The following ATP8A1 variants were observed in gnomAD, a reference collection of about 807,000 sequenced individuals.
ATP8A1 encodes ATPase phospholipid transporting 8A1, also known as phospholipid-transporting ATPase IA.
Under a neutral mutation model 177.7 loss-of-function variants are expected in ATP8A1, and 90 were observed. The ratio of observed to expected loss-of-function variants is 0.51; its 90% CI spans 0.43 to 0.60. The LOEUF is 0.60. Among genes scored for constraint, ATP8A1 ranks in the 20% least tolerant of loss-of-function variants. The probability of loss-of-function intolerance (pLI) is 0.00; values close to 1 mark genes in which losing one functional copy is unlikely to be tolerated. For synonymous variants in ATP8A1, 493 were observed against 485.9 expected, an observed-to-expected ratio of 1.01 and a Z score of -0.19; for missense variants, 1,072 against 1,392.8, an observed-to-expected ratio of 0.77 and a Z score of 3.67.
intron 1 of ATP8A1, among the ~76,000 whole-genome samples, chr4:42,638,535 ATTAACC>A (rs1739618532): frequency 6.6e-6 from 1 of 152,230 alleles, no homozygotes; most frequent in Non-Finnish European, 1.5e-5. Flanking sequence ...AGCCTTGGAT[ATTAACC>A]TAAAATAATA....
chr4:42,613,825 C>T (rs1325242501), intron 5 of ATP8A1, among the ~76,000 whole-genome samples: 2 of 151,980 alleles, frequency 1.3e-5, no homozygotes, highest in African/African-American at 4.8e-5. Context: ...CTCTGGCGAT[C>T]CATCCGCCTC....
At chr4:42,449,538 C>T (rs777870599) in intron 30 of ATP8A1, among the ~76,000 whole-genome samples, 1 of 152,162 alleles carries the variant, frequency 6.6e-6, no homozygotes, top group African/African-American at 2.4e-5. Context: ...TAAAGTTCTT[C>T]AGTATCCCCA....
rs1553871738 is a variant in ATP8A1, at chr4:42,435,461, A to AAAAAAAAAC, written c.3123+8103_3123+8104insGTTTTTTTT. ...AAAAAAAAAAAAAACAAAAAAAAAA[A>AAAAAAAAAC]AACAAACTATCTCCAGTTATGAGCT... is the stretch of plus-strand genomic sequence containing the variant. On this transcript the variant is annotated intron_variant, in intron 33 of 36. Transcript: ENST00000381668. Among the ~76,000 whole-genome samples the AAAAAAAAAC allele has an allele frequency of 1.5e-3, 187 of 122,310 alleles. 9 individuals are homozygous for AAAAAAAAAC. Among genetic ancestry groups the AAAAAAAAAC allele is most frequent in the East Asian group, 7.4e-3 (29 of 3,920 alleles). 80.2% of individuals were successfully genotyped at this position (122,310 alleles called of 152,430 possible).
At chr4:42,516,933 C>T (rs1259206068) in intron 22 of ATP8A1, among the ~76,000 whole-genome samples, 1 of 152,104 alleles carries the variant, frequency 6.6e-6, no homozygotes, top group Non-Finnish European at 1.5e-5. Context: ...AAACCCCTGC[C>T]AATGAAACAA....
chr4:42,641,234 C>T (rs1739960033), intron 1 of ATP8A1, among the ~76,000 whole-genome samples: 1 of 152,046 alleles, frequency 6.6e-6, no homozygotes, highest in Non-Finnish European at 1.5e-5. Flanking sequence ...TACTAAAGGC[C>T]TAAAGAAGCA....
At chr4:42,541,851 G>C (rs1458640791) in intron 20 of ATP8A1, among the ~76,000 whole-genome samples, 2 of 152,194 alleles carry the variant, frequency 1.3e-5, no homozygotes, top group African/African-American at 4.8e-5. Context: ...AAAAGCAACA[G>C]TGGTTGCCAG....
rs138396119 is a variant in ATP8A1, at chr4:42,466,320, A to G, written c.2325-1244T>C. ...TAAATATCTGCTAAAACATCTGAAAAATCATTTACTATTCTATTTAAAAAT... is the reference window on the plus strand; with the variant it reads ...TAAATATCTGCTAAAACATCTGAAAGATCATTTACTATTCTATTTAAAAAT... On this transcript the variant is annotated intron_variant, in intron 25 of 36. Transcript: ENST00000381668. Among the ~76,000 whole-genome samples, 560 of 152,338 alleles carry G rather than the reference A, an allele frequency of 3.7e-3. 4 individuals carry two copies. The highest frequency in any genetic ancestry group is 0.024 in the South Asian group (114 of 4,828).
At chr4:42,613,620 G>C (rs1577703237) in intron 5 of ATP8A1, among the ~76,000 whole-genome samples, 1 of 151,656 alleles carries the variant, frequency 6.6e-6, no homozygotes, top group Middle Eastern at 3.4e-3. Context: ...GTCTCTCTCT[G>C]TCACCCAGGC....
At chr4:42,560,325 C>T (rs1027358627) in intron 15 of ATP8A1, among the ~76,000 whole-genome samples, 6 of 151,986 alleles carry the variant, frequency 3.9e-5, no homozygotes, top group African/African-American at 1.4e-4. Context: ...GGGATCAAAA[C>T]CTTTTCTTTT....
Position 42,574,715 on chromosome 4 carries a change from A to C in ATP8A1, c.1207-8T>G. ...AGAAAATATGTATTTAACCTAAAAA[A>C]GTTTAAAATTTCTCATTAATATTTT... On this transcript the variant is annotated splice_polypyrimidine_tract_variant and splice_region_variant and intron_variant, in intron 13 of 36. Transcript: ENST00000381668. 6.3e-7 allele frequency: 1 copy of C among 1,581,394 alleles called. No homozygotes were observed. The highest frequency in any genetic ancestry group is 8.6e-7 in the Non-Finnish European group (1 of 1,164,698).
intron 2 of ATP8A1, 115 bp from the exon 3 acceptor site, chr4:42,625,828 C>A: frequency 2.0e-6 from 1 of 512,580 alleles, no homozygotes; most frequent in South Asian, 4.0e-5. Context: ...CCGGCTGTTT[C>A]AAATTGGGAG....
At chr4:42,529,820 A>C (rs974956027) in intron 20 of ATP8A1, among the ~76,000 whole-genome samples, 1 of 152,232 alleles carries the variant, frequency 6.6e-6, no homozygotes, top group African/African-American at 2.4e-5. Context: ...CAAGCAGTGC[A>C]GCTGGTTGTG....
chr4:42,421,336 G>A (rs189764966), intron 35 of ATP8A1, among the ~76,000 whole-genome samples: 1 of 152,160 alleles, frequency 6.6e-6, no homozygotes, highest in East Asian at 1.9e-4. Context: ...TTATATTTTT[G>A]AACAAACAGC....
intron 25 of ATP8A1, among the ~76,000 whole-genome samples, chr4:42,474,809 A>C (rs907059176): frequency 5.3e-5 from 8 of 152,178 alleles, no homozygotes; most frequent in Non-Finnish European, 7.3e-5. Context: ...AATGCCTGTT[A>C]GAAACAATAG....
intron 1 of ATP8A1, among the ~76,000 whole-genome samples, chr4:42,638,480 G>C (rs564493238): frequency 6.6e-6 from 1 of 152,326 alleles, no homozygotes; most frequent in African/African-American, 2.4e-5. Context: ...AGTATGCCTA[G>C]AGTTGGGCGT....
At chr4:42,524,963 A>G in intron 20 of ATP8A1, 116 bp from the exon 21 acceptor site, 2 of 569,708 alleles carry the variant, frequency 3.5e-6, no homozygotes, top group East Asian at 3.0e-5. Context: ...CTCTTTTGGC[A>G]TTCGTTTTAA....
chr4:42,620,076 A>G (rs1034718999), intron 4 of ATP8A1, among the ~76,000 whole-genome samples: 3 of 152,214 alleles, frequency 2.0e-5, no homozygotes, highest in Admixed American at 1.3e-4. Context: ...ACATCCTCAT[A>G]CATATCCTAA....
chr4:42,650,468 G>T (rs1275997615), intron 1 of ATP8A1, among the ~76,000 whole-genome samples: 7 of 152,152 alleles, frequency 4.6e-5, no homozygotes, highest in Admixed American at 4.6e-4. Context: ...ATAATAAGTG[G>T]TTTTTAAAGG....
At chr4:42,635,476 G>T (rs552183899) in intron 1 of ATP8A1, among the ~76,000 whole-genome samples, 37 of 151,918 alleles carry the variant, frequency 2.4e-4, no homozygotes, top group South Asian at 8.3e-4. Flanking sequence ...TTAGGTTGGG[G>T]TCATTAAACA....
Sources: gnomAD v4.1 joint callset for allele counts (sites outside exome capture counted in the v4.1 genomes callset) on GRCh38, gnomAD v4.1.1 for gene constraint, MANE v1.5 for transcripts, NCBI Gene and HGNC (gene_info 2026-07-23, HGNC 2026-07-21) for gene names.